Variants in MYRFL observed in about 807,000 individuals in gnomAD.
MYRFL encodes myelin regulatory factor like.
In MYRFL, 88 loss-of-function variants were observed where a neutral mutation model predicts 109.4. The observed-to-expected ratio is 0.80, with a 90% CI of 0.68 to 0.96. The LOEUF is 0.96. Ranked by LOEUF, MYRFL falls within the 40% of genes least tolerant of loss-of-function variation. MYRFL has a pLI of 0.00. For missense variants in MYRFL, 957 were observed against 954.9 expected (o/e 1.00, Z -0.03); for synonymous variants, 324 against 320.9 (o/e 1.01, Z -0.10).
At position 69,958,499 on chromosome 12, in the gene MYRFL, T is replaced by A; in HGVS notation, c.2701T>A (p.Tyr901Asn). 16 of 1,535,618 alleles carry A rather than the reference T, an allele frequency of 1.0e-5. No individual in the cohort carries two copies. Among genetic ancestry groups the A allele is most frequent in the Non-Finnish European group, 1.3e-5 (15 of 1,146,774 alleles). ...TTTTGCTGGGATATTCTTCACCGATTACTTCTTTTACTTCTATCGACGCTG... is the reference window on the plus strand; with the variant it reads ...TTTTGCTGGGATATTCTTCACCGATAACTTCTTTTACTTCTATCGACGCTG... ...PYFAGIFFTD[Y>N]FFYFYRRCA is the part of the protein sequence containing the mutation. Residue 901 changes from tyrosine to asparagine, a missense_variant, in exon 25 of 25, where the codon TAC becomes AAC. By Grantham distance (143) the Tyr-to-Asn change is moderately radical (BLOSUM62 -2). Coordinates refer to ENST00000552032, the MANE Select transcript of MYRFL (RefSeq NM_182530.3).
chr12:69,833,970 G>C (rs1039637866), intron 1 of MYRFL, among the ~76,000 whole-genome samples: 3 of 151,596 alleles, frequency 2.0e-5, no homozygotes, highest in African/African-American at 7.3e-5. Flanking sequence ...GTGGTAAAAA[G>C]GTAATGGTTT....
At chr12:69,944,058 A>G (rs919323501) in intron 19 of MYRFL, among the ~76,000 whole-genome samples, 1 of 150,464 alleles carries the variant, frequency 6.6e-6, no homozygotes, top group African/African-American at 2.5e-5. Context: ...GGATGTGGAG[A>G]AATAGGAACA....
At chr12:69,926,090 A>T (rs1955064078) in intron 13 of MYRFL, among the ~76,000 whole-genome samples, 1 of 148,468 alleles carries the variant, frequency 6.7e-6, no homozygotes, top group Admixed American at 6.7e-5. Context: ...CATTCAGAAG[A>T]CTGTTCTGAC....
chr12:69,826,459 G>A (rs1882284198), intron 1 of MYRFL, among the ~76,000 whole-genome samples: 1 of 151,966 alleles, frequency 6.6e-6, no homozygotes, highest in East Asian at 1.9e-4. Context: ...ATCTACCATT[G>A]CATCTATTTT....
intron 24 of MYRFL, 34 bp from the exon 25 acceptor site, chr12:69,958,411 A>AATC (rs1956142551): frequency 2.7e-6 from 4 of 1,505,914 alleles, no homozygotes; most frequent in East Asian, 5.0e-5. Context: ...TTTTTACATT[A>AATC]ATCTTCCTTT....
intron 2 of MYRFL, among the ~76,000 whole-genome samples, chr12:69,878,753 G>A (rs1885850687): frequency 6.6e-6 from 1 of 152,116 alleles, no homozygotes; most frequent in Admixed American, 6.5e-5. Flanking sequence ...CCATTTTGTA[G>A]ATGAGGAAAT....
chr12:69,897,500 C>T (rs951922051), intron 10 of MYRFL, among the ~76,000 whole-genome samples: 1 of 152,150 alleles, frequency 6.6e-6, no homozygotes, highest in Non-Finnish European at 1.5e-5. Context: ...AGGCATTCTG[C>T]TCAGTACCTT....
rs991736466 is a variant in MYRFL at position 69,891,859 on chromosome 12, T to C, written c.903+693T>C. ...TGTGCCACCATGCTGGCTGTGTTTG[T>C]AGAGATGGGGTCTCACTATGTTGCC... is the stretch of plus-strand genomic sequence containing the variant. On this transcript the variant is annotated intron_variant, in intron 7 of 24. Transcript: ENST00000552032. 2.6e-5 allele frequency among the ~76,000 whole-genome samples: 4 copies of C among 151,834 alleles called. No homozygotes were observed. In the South Asian group the frequency reaches 6.3e-4, roughly 24 times the overall value.
At chr12:69,826,711 T>G (rs772987680) in intron 1 of MYRFL, among the ~76,000 whole-genome samples, 2 of 152,092 alleles carry the variant, frequency 1.3e-5, no homozygotes, top group Non-Finnish European at 2.9e-5. Flanking sequence ...GTATTTGTCT[T>G]CAGTGTTTTT....
intron 1 of MYRFL, among the ~76,000 whole-genome samples, chr12:69,845,414 A>C (rs1883468403): frequency 6.6e-6 from 1 of 152,206 alleles, no homozygotes; most frequent in Non-Finnish European, 1.5e-5. Context: ...CTGAAGACTC[A>C]ACTCCACTAT....
chr12:69,921,974 G>T (rs145897821), intron 13 of MYRFL, among the ~76,000 whole-genome samples: 1 of 152,180 alleles, frequency 6.6e-6, no homozygotes, highest in East Asian at 1.9e-4. Context: ...ATAAATTAAT[G>T]TATTAAGCAA....
chr12:69,899,169 G>T (rs1401487356), intron 10 of MYRFL, among the ~76,000 whole-genome samples: 2 of 152,208 alleles, frequency 1.3e-5, no homozygotes, highest in Non-Finnish European at 2.9e-5. Context: ...TAACACAAAA[G>T]TTACCCTAAC....
intron 16 of MYRFL, among the ~76,000 whole-genome samples, chr12:69,934,717 T>C (rs1417593057): frequency 6.6e-6 from 1 of 152,176 alleles, no homozygotes; most frequent in African/African-American, 2.4e-5. Context: ...TCAGGTTGTC[T>C]CTTCCCTGAA....
chr12:69,863,717 ACCCAAGCATTT>A (rs1884839883), intron 2 of MYRFL, among the ~76,000 whole-genome samples: 1 of 152,212 alleles, frequency 6.6e-6, no homozygotes, highest in Non-Finnish European at 1.5e-5. Context: ...TATTACATTG[ACCCAAGCATTT>A]CCCATTTTTG....
chr12:69,883,453 G>A (rs1192999250), intron 5 of MYRFL, among the ~76,000 whole-genome samples: 2 of 152,050 alleles, frequency 1.3e-5, no homozygotes, highest in East Asian at 3.9e-4. Context: ...GCCATCAACG[G>A]CAAGATAAAT....
chr12:69,891,103 T>G lies in MYRFL; in HGVS notation c.840T>G (p.Phe280Leu), dbSNP rs886986429. ...TCCAAGTTTGGGGAAGTCCAAAATT[T>G]GTTGAAACCGAGATGGGCCTAAAGC... ...IHIQVWGSPKFVETEMGLKPI... is the reference protein window; with the variant it reads ...IHIQVWGSPKLVETEMGLKPI... Residue 280 changes from phenylalanine (F) to leucine (L), a missense_variant, in exon 7 of 25, where the codon TTT becomes TTG. Coordinates refer to ENST00000552032, the MANE Select transcript of MYRFL (RefSeq NM_182530.3). 72 of 1,534,936 alleles carry G rather than the reference T, an allele frequency of 4.7e-5. No individual in the cohort carries two copies. Among genetic ancestry groups the G allele is most frequent in the Non-Finnish European group, 5.1e-5 (58 of 1,146,550 alleles).
At chr12:69,842,015 C>A (rs1883273762) in intron 1 of MYRFL, among the ~76,000 whole-genome samples, 2 of 152,192 alleles carry the variant, frequency 1.3e-5, no homozygotes, top group Non-Finnish European at 2.9e-5. Context: ...CTAACTTATC[C>A]TGGGTTACAC....
Position 69,904,553 on chromosome 12 carries a change from G to GTGCC in MYRFL, c.1383+724_1383+727dup, listed in dbSNP as rs1205294622. 2.0e-5 allele frequency: 3 copies of GTGCC among 152,276 alleles called. No homozygotes were observed. The East Asian group carries it at 5.8e-4, about 29-fold the overall frequency. The allele number at this position is 152,276 out of a possible 1,614,324, so 9.4% of individuals were successfully genotyped here. A position where few individuals can be genotyped will look rare whatever the true frequency, so the allele number is the denominator to read the frequency against. On this transcript the variant is annotated intron_variant, in intron 11 of 24. Coordinates refer to ENST00000552032, the MANE Select transcript of MYRFL (RefSeq NM_182530.3). ...TGTCTTCAGCTATAAGATGAAAATG[G>GTGCC]TGCCTGCCTGCCTGCCTGACACCCT...
chr12:69,934,998 G>A (rs558800754), intron 16 of MYRFL, among the ~76,000 whole-genome samples: 1 of 152,264 alleles, frequency 6.6e-6, no homozygotes, highest in East Asian at 1.9e-4. Context: ...GTTTGGCTAG[G>A]ATTTCTCTGC....
Sources: gnomAD v4.1 joint callset for allele counts (sites outside exome capture counted in the v4.1 genomes callset) on GRCh38, gnomAD v4.1.1 for gene constraint, MANE v1.5 for transcripts, NCBI Gene and HGNC (gene_info 2026-07-23, HGNC 2026-07-21) for gene names.